The following RANBP2 variants were observed in gnomAD, a reference collection of about 807,000 sequenced individuals.
RANBP2 encodes the protein RAN binding protein 2.
A neutral mutation model predicts 303.6 loss-of-function variants in RANBP2; 57 were observed. The observed-to-expected ratio is 0.19, with a 90% CI of 0.15 to 0.23. The LOEUF is 0.23. RANBP2 is among the 10% of genes least tolerant of loss of function. The probability of loss-of-function intolerance (pLI) is 1.00; values close to 1 mark genes in which losing one functional copy is unlikely to be tolerated. For synonymous variants in RANBP2, 1,167 were observed against 1,301.5 expected, an observed-to-expected ratio of 0.90 and a Z score of 2.23; for missense variants, 3,138 against 3,780.8, an observed-to-expected ratio of 0.83 and a Z score of 4.46.
the RANBP2 span, chr2:109,564,466 G>A: frequency 3.1e-6 from 5 of 1,591,336 alleles, no homozygotes; most frequent in Non-Finnish European, 4.3e-6. Flanking sequence ...TGCTCTCGCA[G>A]GTCCTCCATA....
the RANBP2 span, among the ~76,000 whole-genome samples, chr2:109,214,716 A>G: frequency 6.6e-6 from 1 of 152,032 alleles, no homozygotes; most frequent in Non-Finnish European, 1.5e-5. Flanking sequence ...GATGGGCTCC[A>G]CTCCAGCTGC....
the RANBP2 span, among the ~76,000 whole-genome samples, chr2:109,430,641 A>G: frequency 6.6e-6 from 1 of 151,694 alleles, no homozygotes; most frequent in Non-Finnish European, 1.5e-5. Flanking sequence ...GTTGTTTGTC[A>G]TTTTCACTGG....
the RANBP2 span, among the ~76,000 whole-genome samples, chr2:109,201,954 C>A: frequency 6.6e-6 from 1 of 152,180 alleles, no homozygotes; most frequent in East Asian, 1.9e-4. Flanking sequence ...GGTGGAGAAG[C>A]AAATGTTTTA....
the RANBP2 span, among the ~76,000 whole-genome samples, chr2:108,838,525 T>A: frequency 6.6e-6 from 1 of 152,174 alleles, no homozygotes; most frequent in Non-Finnish European, 1.5e-5. Flanking sequence ...TAGGCTGGTA[T>A]CTCAGAAGTG....
the RANBP2 span, chr2:109,503,266 G>C: frequency 6.6e-6 from 1 of 152,132 alleles, no homozygotes; most frequent in Non-Finnish European, 1.5e-5. Flanking sequence ...ACTAGCCTTT[G>C]GTAACATAGG....
Position 108,767,343 on chromosome 2 carries a change from C to T in RANBP2, c.6804C>T (p.Asn2268=). ...TTGGTGAGTCAACAACAGGATTTAA[C>T]TTCAGTTTTAAATCTGCTTTGAGTC... ...FRFGESTTGF[N]FSFKSALSPS... The change falls in exon 20 of 29, where the codon AAC becomes AAT. Residue 2268 remains asparagine, a synonymous_variant. Coordinates refer to ENST00000283195, the MANE Select transcript of RANBP2 (RefSeq NM_006267.5). 6.2e-7 allele frequency: 1 copy of T among 1,612,072 alleles called. No homozygotes were observed. Among genetic ancestry groups the T allele is most frequent in the Non-Finnish European group, 8.5e-7 (1 of 1,179,876 alleles).
the RANBP2 span, among the ~76,000 whole-genome samples, chr2:109,277,363 C>T: frequency 6.6e-6 from 1 of 152,192 alleles, no homozygotes; most frequent in Non-Finnish European, 1.5e-5. Flanking sequence ...ATTTCATTTA[C>T]TGCTCTTTAT....
At chr2:109,023,429 T>TA in the RANBP2 span, among the ~76,000 whole-genome samples, 2 of 152,194 alleles carry the variant, frequency 1.3e-5, no homozygotes, top group Non-Finnish European at 2.9e-5. Flanking sequence ...AAAGAAAAAT[T>TA]AAAATCACTG....
At chr2:109,483,964 C>A in the RANBP2 span, among the ~76,000 whole-genome samples, 2 of 152,158 alleles carry the variant, frequency 1.3e-5, no homozygotes, top group Non-Finnish European at 2.9e-5. Context: ...CCCTGTGCCT[C>A]CACCTCTATC....
chr2:109,212,022 C>T, the RANBP2 span, among the ~76,000 whole-genome samples: 1 of 152,218 alleles, frequency 6.6e-6, no homozygotes, highest in African/African-American at 2.4e-5. Flanking sequence ...GATTGAGCAC[C>T]TGCATTGGTG....
At chr2:108,910,018 G>A in the RANBP2 span, among the ~76,000 whole-genome samples, 3 of 152,222 alleles carry the variant, frequency 2.0e-5, no homozygotes, top group Non-Finnish European at 4.4e-5. Context: ...CCCAGCACTT[G>A]GTGGGCAGTA....
chr2:109,302,163 C>T, the RANBP2 span, among the ~76,000 whole-genome samples: 1 of 152,210 alleles, frequency 6.6e-6, no homozygotes, highest in African/African-American at 2.4e-5. Context: ...CACGGATCTG[C>T]AAAGCTGGCG....
the RANBP2 span, chr2:108,791,477 GATGCTTGTAGTGGGTTATCA>G: frequency 1.7e-6 from 1 of 597,416 alleles, no homozygotes; most frequent in Non-Finnish European, 3.1e-6. Context: ...TGTAGAAAAA[GATGCTTGTAGTGGGTTATCA>G]ATGATCAGTG....
At chr2:108,941,155 G>A in the RANBP2 span, among the ~76,000 whole-genome samples, 1 of 152,172 alleles carries the variant, frequency 6.6e-6, no homozygotes, top group South Asian at 2.1e-4. Flanking sequence ...CTGCGTTGTG[G>A]GAATTAGGAC....
chr2:108,804,178 A>G, the RANBP2 span, among the ~76,000 whole-genome samples: 3 of 152,136 alleles, frequency 2.0e-5, no homozygotes, highest in Non-Finnish European at 4.4e-5. Context: ...AATTAATTCA[A>G]TTTTTTGATT....
the RANBP2 span, among the ~76,000 whole-genome samples, chr2:109,483,948 C>T: frequency 3.9e-5 from 6 of 152,176 alleles, no homozygotes; most frequent in Admixed American, 2.0e-4. Flanking sequence ...CCACAACCCC[C>T]GCCATCCCTG....
At chr2:108,821,298 C>G in the RANBP2 span, among the ~76,000 whole-genome samples, 1 of 152,086 alleles carries the variant, frequency 6.6e-6, no homozygotes, top group African/African-American at 2.4e-5. Flanking sequence ...GCAGAGGTTG[C>G]AGTGAGCTGA....
the RANBP2 span, among the ~76,000 whole-genome samples, chr2:109,163,184 C>T: frequency 5.6e-4 from 86 of 152,258 alleles, no homozygotes; most frequent in African/African-American, 1.9e-3. Flanking sequence ...ACCCCCGAGG[C>T]GGGAATAGGA....
chr2:108,727,284 A>G (rs533949675), intron 1 of RANBP2, among the ~76,000 whole-genome samples: 4 of 152,314 alleles, frequency 2.6e-5, no homozygotes, highest in African/African-American at 7.2e-5. Context: ...TGGAGTTGCT[A>G]AGATCTATGG....
Sources: gnomAD v4.1 joint callset for allele counts (sites outside exome capture counted in the v4.1 genomes callset) on GRCh38, gnomAD v4.1.1 for gene constraint, MANE v1.5 for transcripts, NCBI Gene and HGNC (gene_info 2026-07-23, HGNC 2026-07-21) for gene names.